The following ETAA1 variants were observed in gnomAD, a reference collection of about 807,000 sequenced individuals.
ETAA1 encodes the protein ewing's tumor-associated antigen 1.
Under a neutral mutation model 76.8 loss-of-function variants are expected in ETAA1, and 49 were observed. The observed-to-expected ratio is 0.64, with a 90% CI of 0.51 to 0.81. The LOEUF is 0.81. Ranked by LOEUF, ETAA1 falls within the 30% of genes least tolerant of loss-of-function variation. The pLI is 0.00. For synonymous variants in ETAA1, 373 were observed against 372.2 expected, an observed-to-expected ratio of 1.00 and a Z score of -0.03; for missense variants, 1,099 against 1,074.0, an observed-to-expected ratio of 1.02 and a Z score of -0.32.
chr2:67,404,152 T>G lies in ETAA1; in HGVS notation c.1470T>G (p.Ile490Met), dbSNP rs201158833. 3.1e-5 allele frequency: 49 copies of G among 1,593,866 alleles called. 2 individuals carry two copies. The East Asian group carries it at 5.6e-4, about 18-fold the overall frequency. The change falls in exon 5 of 6, where the codon ATT becomes ATG. Residue 490 changes from isoleucine (I) to methionine (M), a missense_variant. Around this residue, in one of 3 missense-constraint regions of ETAA1, gnomAD observed 761 missense variants for 731.9 expected, o/e 1.04. Coordinates refer to ENST00000272342, the MANE Select transcript of ETAA1 (RefSeq NM_019002.4). ...KFENSSNKIV[I>M]QDEIQNCIVT... ...AGAACTCTTCCAATAAAATTGTTAT[T>G]CAAGACGAAATTCAAAATTGTATAG...
chr2:67,398,049 T>C (rs1261602654), intron 1 of ETAA1, among the ~76,000 whole-genome samples: 3 of 152,012 alleles, frequency 2.0e-5, no homozygotes. Context: ...CTTTAAACCC[T>C]TTTTTTCCCT....
rs759473677 is a variant in ETAA1 at position 67,404,852 on chromosome 2, T to A, written c.2170T>A (p.Tyr724Asn). 5 of 1,612,958 alleles carry A rather than the reference T, an allele frequency of 3.1e-6. No individual in the cohort carries two copies. The East Asian group carries it at 8.9e-5, about 29-fold the overall frequency. ...KPMKMEKGEM[Y>N]GNSPRFLGAT... ...AATGAAGATGGAGAAAGGGGAAATG[T>A]ATGGAAATTCTCCAAGATTTTTAGG... Residue 724 changes from tyrosine (Y) to asparagine (N), a missense_variant, in exon 5 of 6, where the codon TAT becomes AAT. By Grantham distance (143) the Tyr-to-Asn change is moderately radical (BLOSUM62 -2). Transcript: ENST00000272342.
In ETAA1 at chr2:67,410,080, T is replaced by A. The variant is rs1005620292; in HGVS notation, c.*42T>A. 3 of 1,554,286 alleles carry A rather than the reference T, an allele frequency of 1.9e-6. No homozygotes were observed. In the African/African-American group the frequency reaches 4.3e-5, roughly 22 times the overall value. ...AGACTTCACGAAGACTGCTGATAAC[T>A]ATCTGTGATTGATAGGAAATTTTTT... On this transcript the variant is annotated 3_prime_UTR_variant, in exon 6 of 6. Coordinates refer to ENST00000272342, the MANE Select transcript of ETAA1 (RefSeq NM_019002.4).
chr2:67,400,961 A>G (rs959885981), intron 3 of ETAA1: 1 of 152,142 alleles, frequency 6.6e-6, no homozygotes, highest in Non-Finnish European at 1.5e-5. Flanking sequence ...TTATGCCATA[A>G]TAGTACTTAC....
Position 67,405,270 on chromosome 2 carries a change from T to C in ETAA1, c.2588T>C (p.Leu863Pro). Residue 863 changes from leucine to proline, a missense_variant, in exon 5 of 6, where the codon CTG (leucine) becomes CCG (proline). Transcript: ENST00000272342. ...AAAAAGAAAGGTGTCAACCCATTAC[T>C]GGAGGAAGCTGTTGGACAGCAATCT... ...VEKKKGVNPLLEEAVGQQSLV... is the reference protein window; with the variant it reads ...VEKKKGVNPLPEEAVGQQSLV... 1 of 1,596,886 alleles carries C rather than the reference T, an allele frequency of 6.3e-7. No individual in the cohort carries two copies. Among genetic ancestry groups the C allele is most frequent in the Non-Finnish European group, 8.5e-7 (1 of 1,173,070 alleles).
rs577502585 is a variant in ETAA1 at position 67,410,729 on chromosome 2, A to C, written c.*691A>C. ...AACATTTAGAACTGGCAGAAACTTC[A>C]TATGTCATCTGGTCCAGCTTCCTTA... is the stretch of plus-strand genomic sequence containing the variant. On this transcript the variant is annotated 3_prime_UTR_variant, in exon 6 of 6. Coordinates refer to ENST00000272342, the MANE Select transcript of ETAA1 (RefSeq NM_019002.4). 1 of 152,100 alleles carries C rather than the reference A, an allele frequency of 6.6e-6. No homozygotes were observed. Among genetic ancestry groups the C allele is most frequent in the African/African-American group, 2.4e-5 (1 of 41,448 alleles). The allele number at this position is 152,100 out of a possible 1,614,324, so 9.4% of individuals were successfully genotyped here. A position where few individuals can be genotyped will look rare whatever the true frequency, so the allele number is the denominator to read the frequency against.
In ETAA1 at chr2:67,404,845, G is replaced by T. The variant is rs1676162545; in HGVS notation, c.2163G>T (p.Gly721=). 6.2e-7 allele frequency: 1 copy of T among 1,612,894 alleles called. No individual in the cohort carries two copies. The highest frequency in any genetic ancestry group is 1.7e-5 in the Admixed American group (1 of 59,836). Residue 721 remains glycine, a synonymous_variant, in exon 5 of 6, where the codon GGG becomes GGT. Transcript: ENST00000272342. The part of the protein sequence containing the change: ...QIDKPMKMEK[G]EMYGNSPRFL... Reference sequence around the variant, plus strand: ...ATAAGCCAATGAAGATGGAGAAAGGGGAAATGTATGGAAATTCTCCAAGAT... The same window carrying T: ...ATAAGCCAATGAAGATGGAGAAAGGTGAAATGTATGGAAATTCTCCAAGAT...
intron 5 of ETAA1, among the ~76,000 whole-genome samples, chr2:67,405,659 T>G (rs1676196846): frequency 6.6e-6 from 1 of 152,050 alleles, no homozygotes; most frequent in African/African-American, 2.4e-5. Flanking sequence ...ATATATGTAT[T>G]ATAGTGTTCA....
At position 67,397,469 on chromosome 2, in the gene ETAA1, T is replaced by C. The variant is rs779533107; in HGVS notation, c.21T>C (p.His7=). Reference sequence around the variant, plus strand: ...AGGCAATGAGTCGGCGAAGGAAACATGATGACAGCCCTAGCCCGAAGAAAA... The same window carrying C: ...AGGCAATGAGTCGGCGAAGGAAACACGATGACAGCCCTAGCCCGAAGAAAA... MSRRRK[H]DDSPSPKKTP... is the part of the protein sequence containing the mutation. The change falls in exon 1 of 6, where the codon CAT becomes CAC. Residue 7 remains histidine (H), a synonymous_variant. Coordinates refer to ENST00000272342, the MANE Select transcript of ETAA1 (RefSeq NM_019002.4). The C allele has an allele frequency of 1.2e-6, 2 of 1,600,694 alleles. No homozygotes were observed. The highest frequency in any genetic ancestry group is 1.7e-6 in the Non-Finnish European group (2 of 1,173,634).
intron 5 of ETAA1, among the ~76,000 whole-genome samples, chr2:67,406,968 C>T (rs1364896376): frequency 1.3e-5 from 2 of 152,046 alleles, no homozygotes; most frequent in African/African-American, 2.4e-5. Context: ...CAATTACAAA[C>T]AATACTCCAG....
Position 67,397,490 on chromosome 2 carries a change from G to T in ETAA1, c.42G>T (p.Lys14Asn). The T allele has an allele frequency of 6.2e-7, 1 of 1,603,592 alleles. No individual in the cohort carries two copies. Among genetic ancestry groups the T allele is most frequent in the Non-Finnish European group, 8.5e-7 (1 of 1,175,090 alleles). The change falls in exon 1 of 6, where the codon AAG (lysine) becomes AAT (asparagine). Residue 14 changes from lysine to asparagine, a missense_variant. Around this residue, in one of 3 missense-constraint regions of ETAA1, gnomAD observed 761 missense variants for 731.9 expected, o/e 1.04. Transcript: ENST00000272342. ...AACATGATGACAGCCCTAGCCCGAA[G>T]AAAACGCCGCACAAAACAGTGGCGG... is the stretch of plus-strand genomic sequence containing the variant. ...RRKHDDSPSP[K>N]KTPHKTVAAE...
chr2:67,400,871 C>T (rs1326922625), intron 3 of ETAA1: 1 of 152,176 alleles, frequency 6.6e-6, no homozygotes, highest in Non-Finnish European at 1.5e-5. Context: ...CAAAACAACT[C>T]TGTTGCTACT....
chr2:67,409,376 TC>T (rs952467280), intron 5 of ETAA1, among the ~76,000 whole-genome samples: 30 of 152,010 alleles, frequency 2.0e-4, no homozygotes, highest in African/African-American at 7.2e-4. Context: ...ATGACAGATT[TC>T]ATTTTATCAC....
At chr2:67,407,164 C>A (rs991227080) in intron 5 of ETAA1, among the ~76,000 whole-genome samples, 1 of 150,920 alleles carries the variant, frequency 6.6e-6, no homozygotes, top group African/African-American at 2.4e-5. Context: ...GGTGTCCAAT[C>A]TTTTGGCTTC....
At position 67,404,329 on chromosome 2, in the gene ETAA1, T is replaced by C. The variant is rs1041730610; in HGVS notation, c.1647T>C (p.Asp549=). The C allele has an allele frequency of 1.2e-6, 2 of 1,613,020 alleles. No homozygotes were observed. Among genetic ancestry groups the C allele is most frequent in the Non-Finnish European group, 1.7e-6 (2 of 1,179,426 alleles). ...NQSIKAPVNT[D]LFGSANLGSK... ...CTATTAAAGCCCCTGTTAATACTGA[T>C]CTTTTTGGCTCTGCAAATCTAGGCA... Residue 549 remains aspartate, a synonymous_variant, in exon 5 of 6, where the codon GAT becomes GAC. Coordinates refer to ENST00000272342, the MANE Select transcript of ETAA1 (RefSeq NM_019002.4).
chr2:67,405,074 C>T lies in ETAA1; in HGVS notation c.2392C>T (p.Gln798Ter). ...TTYKKKLSTNQPCHKTVTDEA... is the reference protein window; with the variant it reads ...TTYKKKLSTN Reference sequence around the variant, plus strand: ...TTATAAGAAGAAATTGAGTACTAATCAGCCATGCCATAAGACTGTAACAGA... The same window carrying T: ...TTATAAGAAGAAATTGAGTACTAATTAGCCATGCCATAAGACTGTAACAGA... The change falls in exon 5 of 6, where the codon CAG becomes TAG. Residue 798 changes from glutamine to a stop codon, truncating the protein, a stop_gained. Coordinates refer to ENST00000272342, the MANE Select transcript of ETAA1 (RefSeq NM_019002.4). LOFTEE classifies it high-confidence loss of function. The T allele has an allele frequency of 1.2e-6, 2 of 1,612,270 alleles. No individual in the cohort carries two copies. Among genetic ancestry groups the T allele is most frequent in the Non-Finnish European group, 1.7e-6 (2 of 1,179,110 alleles).
At chr2:67,405,484 G>T in intron 5 of ETAA1, 149 bp downstream of exon 5, 3 of 590,118 alleles carry the variant, frequency 5.1e-6, no homozygotes, top group East Asian at 5.9e-5. Context: ...TTCTTAAAAT[G>T]ATACTTGGAA....
chr2:67,400,879 A>T (rs1015245333), intron 3 of ETAA1: 1 of 152,158 alleles, frequency 6.6e-6, no homozygotes, highest in African/African-American at 2.4e-5. Context: ...CTCTGTTGCT[A>T]CTAGCTCTAC....
At chr2:67,406,399 G>A (rs956482888) in intron 5 of ETAA1, among the ~76,000 whole-genome samples, 2 of 152,076 alleles carry the variant, frequency 1.3e-5, no homozygotes, top group Non-Finnish European at 2.9e-5. Context: ...CTTCCTTGAA[G>A]AGTCTATAAA....
Sources: gnomAD v4.1 joint callset for allele counts (sites outside exome capture counted in the v4.1 genomes callset) on GRCh38, gnomAD v4.1.1 for gene constraint, gnomAD v4.1.1 regional missense constraint, MANE v1.5 for transcripts, NCBI Gene and HGNC (gene_info 2026-07-23, HGNC 2026-07-21) for gene names.